The following PLEKHA5 variants were observed in gnomAD, a reference collection of about 807,000 sequenced individuals.
PLEKHA5 encodes pleckstrin homology domain containing A5.
A neutral mutation model predicts 181.9 loss-of-function variants in PLEKHA5; 55 were observed. That is an observed-to-expected ratio of 0.30 (90% confidence interval 0.24 to 0.38). The LOEUF is 0.38. Ranked by LOEUF, PLEKHA5 falls within the 10% of genes least tolerant of loss-of-function variation. PLEKHA5 has a pLI of 1.00. For synonymous variants in PLEKHA5, 535 were observed against 529.4 expected (o/e 1.01, Z -0.15); for missense variants, 1,432 against 1,549.5 (o/e 0.92, Z 1.27).
chr12:19,159,164 GTAGT>G (rs2042413824), intron 3 of PLEKHA5, among the ~76,000 whole-genome samples: 1 of 152,170 alleles, frequency 6.6e-6, no homozygotes, highest in African/African-American at 2.4e-5. Context: ...TGGGAATGAA[GTAGT>G]TAGCCCAGTC....
At position 19,366,022 on chromosome 12, in the gene PLEKHA5, A is replaced by T; in HGVS notation, c.3667A>T (p.Thr1223Ser). The T allele has an allele frequency of 1.2e-6, 2 of 1,612,120 alleles. No individual in the cohort carries two copies. The highest frequency in any genetic ancestry group is 1.7e-6 in the Non-Finnish European group (2 of 1,178,568). ...HKPEEHPEENTKNSVDEQEET... is the reference protein window; with the variant it reads ...HKPEEHPEENSKNSVDEQEET... The stretch of plus-strand genomic sequence containing the variant: ...ACCAGAAGAGCATCCTGAAGAAAAT[A>T]CAAAGAACAGTGTTGACGAACAGGA... Residue 1223 changes from threonine to serine, a missense_variant, in exon 30 of 32, where the codon ACA becomes TCA. Physicochemically the swap from Thr to Ser is moderately conservative, Grantham distance 58 (BLOSUM62 1). Transcript: ENST00000429027.
At chr12:19,348,992 T>A (rs2094462099) in intron 25 of PLEKHA5, among the ~76,000 whole-genome samples, 1 of 151,894 alleles carries the variant, frequency 6.6e-6, no homozygotes, top group Non-Finnish European at 1.5e-5. Flanking sequence ...TCACATCAGA[T>A]TAGGTTTTAC....
intron 3 of PLEKHA5, among the ~76,000 whole-genome samples, chr12:19,204,985 C>G (rs2055079880): frequency 6.6e-6 from 1 of 152,068 alleles, no homozygotes; most frequent in East Asian, 1.9e-4. Flanking sequence ...CCAATTCATT[C>G]TAGCATTTTG....
intron 2 of PLEKHA5, among the ~76,000 whole-genome samples, chr12:19,131,987 A>G (rs1015996226): frequency 2.0e-5 from 3 of 152,182 alleles, no homozygotes; most frequent in African/African-American, 7.2e-5. Context: ...TGTGTAGCTG[A>G]AAAATACGGT....
At chr12:19,353,607 G>A (rs976727082) in intron 25 of PLEKHA5, among the ~76,000 whole-genome samples, 2 of 152,110 alleles carry the variant, frequency 1.3e-5, no homozygotes, top group South Asian at 4.1e-4. Flanking sequence ...TTACAGGCAT[G>A]CGCCACCACG....
At chr12:19,321,193 A>G (rs1225546694) in intron 18 of PLEKHA5, among the ~76,000 whole-genome samples, 1 of 151,742 alleles carries the variant, frequency 6.6e-6, no homozygotes, top group Non-Finnish European at 1.5e-5. Flanking sequence ...ATGGAAGACT[A>G]GAGACTGGAG....
At chr12:19,248,844 C>T (rs1365066362) in intron 3 of PLEKHA5, among the ~76,000 whole-genome samples, 1 of 152,080 alleles carries the variant, frequency 6.6e-6, no homozygotes, top group African/African-American at 2.4e-5. Context: ...CGAAGTTAAA[C>T]TTTTAATTTA....
At position 19,130,237 on chromosome 12, in the gene PLEKHA5, CGAGGCGGG is replaced by C; in HGVS notation, c.169+109_169+116del. 1.8e-6 allele frequency: 1 copy of C among 549,978 alleles called. No homozygotes were observed. The highest frequency in any genetic ancestry group is 2.7e-6 in the Non-Finnish European group (1 of 371,662). 34.1% of individuals were successfully genotyped at this position (549,978 alleles called of 1,614,324 possible). On this transcript the variant is annotated intron_variant, in intron 2 of 31. Transcript: ENST00000429027. This position sits in a 1 kb window ranked among gnomAD's most constrained non-coding sequence, Gnocchi z 4.5. ...CCGCGCCGCGGGCCCCGGGAGGCGG[CGAGGCGGG>C]GCGGAGGCCGGGCGGGAGCGGCCGC...
chr12:19,149,937 A>G (rs2039982595), intron 3 of PLEKHA5: 2 of 152,208 alleles, frequency 1.3e-5, no homozygotes, highest in South Asian at 4.2e-4. Flanking sequence ...AATGGACTCC[A>G]TCTTTGGATA....
chr12:19,311,879 A>G (rs569133765), intron 15 of PLEKHA5, among the ~76,000 whole-genome samples: 2 of 152,242 alleles, frequency 1.3e-5, no homozygotes, highest in East Asian at 3.9e-4. Context: ...TTCTTCTTTA[A>G]TTCACCCATA....
At chr12:19,353,148 T>C (rs2094701610) in intron 25 of PLEKHA5, among the ~76,000 whole-genome samples, 1 of 151,566 alleles carries the variant, frequency 6.6e-6, no homozygotes, top group South Asian at 2.1e-4. Flanking sequence ...TTTATTTTTA[T>C]TTATTTATTT....
intron 11 of PLEKHA5, among the ~76,000 whole-genome samples, chr12:19,276,880 A>G (rs372435264): frequency 6.6e-6 from 1 of 152,358 alleles, no homozygotes; most frequent in Non-Finnish European, 1.5e-5. Context: ...AAATATATAT[A>G]ATCTTATTTG....
chr12:19,308,095 G>A (rs1413082430), intron 15 of PLEKHA5, among the ~76,000 whole-genome samples: 30 of 151,946 alleles, frequency 2.0e-4, no homozygotes, highest in Admixed American at 2.0e-3. Context: ...GACAGTGAGA[G>A]AGAGGAAAAA....
chr12:19,210,811 A>G (rs1320960663), intron 3 of PLEKHA5, among the ~76,000 whole-genome samples: 1 of 152,186 alleles, frequency 6.6e-6, no homozygotes, highest in East Asian at 1.9e-4. Flanking sequence ...AAGGATGTGA[A>G]TGTTGGGAGA....
chr12:19,354,127 T>TTAGTTATTC (rs2094767206), intron 26 of PLEKHA5, 125 bp downstream of exon 26: 2 of 415,644 alleles, frequency 4.8e-6, no homozygotes, highest in African/African-American at 4.2e-5. Context: ...CTTAGTAATC[T>TTAGTTATTC]TAGTTATTCT....
chr12:19,195,366 T>C (rs1430346435), intron 3 of PLEKHA5, among the ~76,000 whole-genome samples: 1 of 116,538 alleles, frequency 8.6e-6, no homozygotes, highest in African/African-American at 2.9e-5. Flanking sequence ...ACAATTGATA[T>C]AGCACAAAAG....
chr12:19,229,827 G>C (rs895117396), intron 3 of PLEKHA5, among the ~76,000 whole-genome samples: 1 of 152,138 alleles, frequency 6.6e-6, no homozygotes, highest in African/African-American at 2.4e-5. Context: ...GGTCCGTTTT[G>C]ACAGGGTGCT....
chr12:19,341,789 G>A (rs1389942647), intron 21 of PLEKHA5, among the ~76,000 whole-genome samples: 1 of 151,862 alleles, frequency 6.6e-6, no homozygotes, highest in Admixed American at 6.6e-5. Flanking sequence ...CTGGAGGACA[G>A]TGGCACGATC....
chr12:19,292,358 A>T (rs568458987), intron 15 of PLEKHA5, among the ~76,000 whole-genome samples: 3 of 151,936 alleles, frequency 2.0e-5, no homozygotes, highest in African/African-American at 7.2e-5. Flanking sequence ...GTGAGCCGAG[A>T]TCATGCACCA....
Sources: gnomAD v4.1 joint callset for allele counts (sites outside exome capture counted in the v4.1 genomes callset) on GRCh38, gnomAD v4.1.1 for gene constraint, Gnocchi (gnomAD v3.1) non-coding constraint, MANE v1.5 for transcripts, NCBI Gene and HGNC (gene_info 2026-07-23, HGNC 2026-07-21) for gene names.